The following COL6A1 variants were observed in gnomAD, a reference collection of about 807,000 sequenced individuals.
The protein encoded by COL6A1 is collagen alpha-1(VI) chain.
COL6A1 carries 80 observed loss-of-function variants against 145.6 expected under a neutral mutation model. That is an observed-to-expected ratio of 0.55 (90% CI 0.46 to 0.66). The LOEUF is 0.66. Among genes scored for constraint, COL6A1 ranks in the 30% least tolerant of loss-of-function variants. COL6A1 has a pLI of 0.00. For synonymous variants in COL6A1, 638 were observed against 622.8 expected, an observed-to-expected ratio of 1.02 and a Z score of -0.36; for missense variants, 1,364 against 1,473.8, an observed-to-expected ratio of 0.93 and a Z score of 1.22.
At position 46,003,503 on chromosome 21, in the gene COL6A1, C is replaced by T; in HGVS notation, c.2577C>T (p.Phe859=). The T allele has an allele frequency of 1.2e-6, 2 of 1,611,424 alleles. No individual in the cohort carries two copies. Among genetic ancestry groups the T allele is most frequent in the Non-Finnish European group, 1.7e-6 (2 of 1,179,518 alleles). The change falls in exon 35 of 35, where the codon TTC becomes TTT. Residue 859 remains phenylalanine (F), a synonymous_variant. Transcript: ENST00000361866. ...KRFAKRLAER[F]LTAGRTDPAH... is the part of the protein sequence containing the mutation. ...TCGCCAAGCGCCTGGCCGAGCGCTT[C>T]CTCACAGCGGGCAGGACGGACCCCG... is the stretch of plus-strand genomic sequence containing the variant.
chr21:45,987,131 C>T (rs780831950), intron 5 of COL6A1, 24 bp from the exon 6 acceptor site: 5 of 1,593,006 alleles, frequency 3.1e-6, no homozygotes, highest in Non-Finnish European at 3.4e-6. Flanking sequence ...GAAAGTAATT[C>T]TGCGTTTCCA....
intron 11 of COL6A1, 45 bp from the exon 12 acceptor site, chr21:45,990,213 T>TC: frequency 2.9e-6 from 3 of 1,040,094 alleles, no homozygotes; most frequent in Non-Finnish European, 4.4e-6. Flanking sequence ...TGCCCTGCCC[T>TC]CCCCACCCCA....
At chr21:46,002,167 C>T in intron 31 of COL6A1, 51 bp from the exon 32 acceptor site, 1 of 1,571,412 alleles carries the variant, frequency 6.4e-7, no homozygotes, top group Non-Finnish European at 8.6e-7. Context: ...GTGGGCTCGG[C>T]CCCGCGGCAG....
At position 45,990,454 on chromosome 21, in the gene COL6A1, G is replaced by A. The variant is rs778930791; in HGVS notation, c.1002+32G>A. 1.0e-5 allele frequency: 12 copies of A among 1,156,530 alleles called. No homozygotes were observed. The East Asian group carries it at 1.2e-4, about 12-fold the overall frequency. 71.6% of individuals were successfully genotyped at this position (1,156,530 alleles called of 1,614,324 possible). A position where few individuals can be genotyped will look rare whatever the true frequency, so the allele number is the denominator to read the frequency against. On this transcript the variant is annotated intron_variant, in intron 13 of 34. Transcript: ENST00000361866. ...GGGGGGAGATAGGATGGACGGGGAGGGACGAGGAGGAATGGGGCGAGATGG... is the reference window on the plus strand; with the variant it reads ...GGGGGGAGATAGGATGGACGGGGAGAGACGAGGAGGAATGGGGCGAGATGG...
Position 46,004,567 on chromosome 21 carries a change from T to C in COL6A1, c.*554T>C. 3.1e-6 allele frequency: 1 copy of C among 327,774 alleles called. No homozygotes were observed. Among genetic ancestry groups the C allele is most frequent in the Non-Finnish European group, 6.3e-6 (1 of 158,346 alleles). The allele number at this position is 327,774 out of a possible 1,614,324, so 20.3% of individuals were successfully genotyped here. A position where few individuals can be genotyped will look rare whatever the true frequency, so the allele number is the denominator to read the frequency against. On this transcript the variant is annotated 3_prime_UTR_variant, in exon 35 of 35. Transcript: ENST00000361866. ...TACAATTAAACTCAAAGCAAGCTCTTCTCCTCAGCTTGGGGCAGCCATTGG... is the reference window on the plus strand; with the variant it reads ...TACAATTAAACTCAAAGCAAGCTCTCCTCCTCAGCTTGGGGCAGCCATTGG...
At chr21:45,987,321 G>C in intron 6 of COL6A1, 146 bp downstream of exon 6, 2 of 1,490,406 alleles carry the variant, frequency 1.3e-6, no homozygotes, top group Non-Finnish European at 1.8e-6. Flanking sequence ...GTGTGCCCGG[G>C]ATGTGTGTCC....
intron 8 of COL6A1, among the ~76,000 whole-genome samples, chr21:45,988,420 G>A (rs1256545625): frequency 1.8e-5 from 2 of 113,088 alleles, no homozygotes; most frequent in African/African-American, 6.8e-5. Context: ...AGGGGACGTC[G>A]GGGCTCCAGA....
chr21:45,986,841 G>C, intron 4 of COL6A1, 103 bp from the exon 5 acceptor site: 1 of 1,527,572 alleles, frequency 6.5e-7, no homozygotes, highest in Middle Eastern at 2.3e-4. Context: ...CTGCTGAGGA[G>C]CCTGGAGCGC....
chr21:46,001,907 C>A, intron 30 of COL6A1, 54 bp from the exon 31 acceptor site: 1 of 1,513,936 alleles, frequency 6.6e-7, no homozygotes, highest in Admixed American at 1.8e-5. Flanking sequence ...CCTTGGGAAG[C>A]TTATGCGGAC....
chr21:45,999,290 C>A, intron 26 of COL6A1, 72 bp downstream of exon 26: 1 of 1,397,562 alleles, frequency 7.2e-7, no homozygotes, highest in Non-Finnish European at 9.9e-7. Flanking sequence ...CTGGGGAATG[C>A]TGGAAGAGGC....
chr21:45,989,056 C>T (rs755919739), intron 8 of COL6A1, 28 bp from the exon 9 acceptor site: 3 of 1,609,428 alleles, frequency 1.9e-6, no homozygotes, highest in Non-Finnish European at 2.5e-6. Context: ...ACGGGGCTGC[C>T]CCAACCTTGA....
chr21:45,999,022 G>T lies in COL6A1; in HGVS notation c.1674+63G>T, dbSNP rs551124733. The T allele has an allele frequency of 3.2e-6, 5 of 1,547,762 alleles. No individual in the cohort carries two copies. In the South Asian group the frequency reaches 6.0e-5, roughly 18 times the overall value. On this transcript the variant is annotated intron_variant, in intron 25 of 34. Coordinates refer to ENST00000361866, the MANE Select transcript of COL6A1 (RefSeq NM_001848.3). ...ACCTGAGCCAGAGGGCTGGGCCCTTGAAGGGCAGTGGACCAGGACCCGCTT... is the reference window on the plus strand; with the variant it reads ...ACCTGAGCCAGAGGGCTGGGCCCTTTAAGGGCAGTGGACCAGGACCCGCTT...
chr21:45,982,781 T>A lies in COL6A1; in HGVS notation c.227+18T>A, dbSNP rs745575624. On this transcript the variant is annotated intron_variant, in intron 2 of 34. Coordinates refer to ENST00000361866, the MANE Select transcript of COL6A1 (RefSeq NM_001848.3). ...AGGGACAGGTAGGAGGGACGCCCCG[T>A]GACCTTCCTCCTGTGCTTCTGGGCC... 1 of 1,610,836 alleles carries A rather than the reference T, an allele frequency of 6.2e-7. No homozygotes were observed. Among genetic ancestry groups the A allele is most frequent in the African/African-American group, 1.3e-5 (1 of 74,942 alleles).
intron 32 of COL6A1, 52 bp downstream of exon 32, chr21:46,002,453 G>A: frequency 3.7e-6 from 6 of 1,613,230 alleles, no homozygotes; most frequent in Admixed American, 1.7e-5. Flanking sequence ...CGCCCCGCCA[G>A]CCAGGGTGGC....
rs373566530 is a variant in COL6A1, at chr21:46,000,776, C to T, written c.1822+9C>T. 3 of 1,613,784 alleles carry T rather than the reference C, an allele frequency of 1.9e-6. No homozygotes were observed. The highest frequency in any genetic ancestry group is 2.7e-5 in the African/African-American group (2 of 74,926). The stretch of plus-strand genomic sequence containing the variant: ...CTCCTCAGCTTGCTGTGGTGAGACC[C>T]AGGCTCTAGCTCCTGAGAGAATGGA... On this transcript the variant is annotated intron_variant, in intron 29 of 34. Coordinates refer to ENST00000361866, the MANE Select transcript of COL6A1 (RefSeq NM_001848.3).
rs1205744901 is a variant in COL6A1, at chr21:45,999,937, G to GGAAGACCCGTGAGGATCATA, written c.1776+246_1776+247insAAGACCCGTGAGGATCATAG. ...TCATGGGGGACATGTGAGGATCATG[G>GGAAGACCCGTGAGGATCATA]GGGGGACGTGTGAGGATCATGGGAG... On this transcript the variant is annotated intron_variant, in intron 27 of 34. Transcript: ENST00000361866. Among the ~76,000 whole-genome samples, 209 of 22,878 alleles carry GGAAGACCCGTGAGGATCATA rather than the reference G, an allele frequency of 9.1e-3. 58 individuals carry two copies. The highest frequency in any genetic ancestry group is 0.045 in the Middle Eastern group (1 of 22). The allele number at this position is 22,878 out of a possible 152,430, so 15.0% of individuals were successfully genotyped here. A position where few individuals can be genotyped will look rare whatever the true frequency, so the allele number is the denominator to read the frequency against.
intron 6 of COL6A1, 34 bp from the exon 7 acceptor site, chr21:45,987,465 C>A: frequency 6.2e-7 from 1 of 1,612,858 alleles, no homozygotes. Context: ...CCGTGGCTTT[C>A]CCACTGACTC....
rs764704372 is a variant in COL6A1, at chr21:45,990,393, C to G, written c.973C>G (p.Arg325Gly). 7.9e-7 allele frequency: 1 copy of G among 1,264,068 alleles called. No homozygotes were observed. The highest frequency in any genetic ancestry group is 2.4e-5 in the Admixed American group (1 of 41,200). The allele number at this position is 1,264,068 out of a possible 1,614,324, so 78.3% of individuals were successfully genotyped here. Residue 325 changes from arginine (R) to glycine (G), a missense_variant, in exon 13 of 35, where the codon CGT becomes GGT. By Grantham distance (125) the Arg-to-Gly change is moderately radical. This residue lies in a region of COL6A1 where 12 missense variants were observed against 32.3 expected (regional missense o/e 0.37). Coordinates refer to ENST00000361866, the MANE Select transcript of COL6A1 (RefSeq NM_001848.3). ...PKGYKGEKGK[R>G]GIDGVDGVKG... The stretch of plus-strand genomic sequence containing the variant: ...CGCCTCACAGGGAGAGAAGGGCAAG[C>G]GTGGCATCGACGGGGTGGACGGCGT...
intron 18 of COL6A1, among the ~76,000 whole-genome samples, 171 bp from the exon 19 acceptor site, chr21:45,992,577 C>G (rs977088875): frequency 6.6e-6 from 1 of 152,240 alleles, no homozygotes; most frequent in African/African-American, 2.4e-5. Flanking sequence ...CGGGTGGGAC[C>G]TGGGGAACCA....
Sources: gnomAD v4.1 joint callset for allele counts (sites outside exome capture counted in the v4.1 genomes callset) on GRCh38, gnomAD v4.1.1 for gene constraint, gnomAD v4.1.1 regional missense constraint, MANE v1.5 for transcripts, NCBI Gene and HGNC (gene_info 2026-07-23, HGNC 2026-07-21) for gene names.